The following SLC35F3 variants were observed in gnomAD, a reference collection of about 807,000 sequenced individuals.
SLC35F3 encodes solute carrier family 35 member F3.
Under a neutral mutation model 49.9 loss-of-function variants are expected in SLC35F3, and 25 were observed. The observed-to-expected ratio is 0.50, with a 90% confidence interval of 0.37 to 0.70. The LOEUF (loss-of-function observed/expected upper bound fraction) is 0.70, where lower values mean the gene tolerates loss of function less well. Ranked by LOEUF, SLC35F3 falls within the 30% of genes least tolerant of loss-of-function variation. SLC35F3 has a pLI of 0.00. For synonymous variants in SLC35F3, 275 were observed against 265.4 expected (o/e 1.04, Z -0.35); for missense variants, 525 against 639.8 (o/e 0.82, Z 1.94).
At chr1:234,098,929 A>G (rs1174506016) in intron 2 of SLC35F3, among the ~76,000 whole-genome samples, 3 of 151,174 alleles carry the variant, frequency 2.0e-5, no homozygotes, top group Non-Finnish European at 4.4e-5. Flanking sequence ...GGCAGTTCGG[A>G]TGGTGGTGGT....
chr1:234,052,949 TG>T (rs1211347852), intron 2 of SLC35F3, among the ~76,000 whole-genome samples: 6 of 152,222 alleles, frequency 3.9e-5, no homozygotes, highest in Admixed American at 3.9e-4. Context: ...TGAGCAGCTT[TG>T]AGTGAGTTTC....
chr1:233,968,945 G>A (rs557349699), intron 2 of SLC35F3, among the ~76,000 whole-genome samples: 10 of 152,010 alleles, frequency 6.6e-5, no homozygotes, highest in African/African-American at 2.4e-4. Flanking sequence ...GCATTAATTT[G>A]CATTAATTGG....
At chr1:234,043,198 T>A (rs1306955911) in intron 2 of SLC35F3, among the ~76,000 whole-genome samples, 1 of 152,172 alleles carries the variant, frequency 6.6e-6, no homozygotes, top group Non-Finnish European at 1.5e-5. Context: ...ACCTTACACT[T>A]GATGTTCATC....
intron 3 of SLC35F3, among the ~76,000 whole-genome samples, chr1:234,267,478 C>T: frequency 6.7e-6 from 1 of 149,648 alleles, no homozygotes; most frequent in African/African-American, 2.5e-5. Context: ...CCCCTCACCT[C>T]CCGGATGGGG....
intron 2 of SLC35F3, among the ~76,000 whole-genome samples, chr1:234,191,807 A>G (rs1666734229): frequency 6.6e-6 from 1 of 152,070 alleles, no homozygotes; most frequent in Non-Finnish European, 1.5e-5. Context: ...AAGATCATTC[A>G]AGACTACTAC....
chr1:234,058,201 C>T (rs139584880), intron 2 of SLC35F3, among the ~76,000 whole-genome samples: 4 of 150,318 alleles, frequency 2.7e-5, no homozygotes, highest in East Asian at 2.0e-4. Flanking sequence ...GTTTTTTTTT[C>T]GAGGATTTTT....
At chr1:234,113,224 A>G (rs979352577) in intron 2 of SLC35F3, among the ~76,000 whole-genome samples, 1 of 152,246 alleles carries the variant, frequency 6.6e-6, no homozygotes, top group African/African-American at 2.4e-5. Context: ...TGCCATAATC[A>G]TCAAAGTAAG....
At chr1:233,961,796 C>A (rs143748738) in intron 2 of SLC35F3, among the ~76,000 whole-genome samples, 1 of 152,260 alleles carries the variant, frequency 6.6e-6, no homozygotes, top group Non-Finnish European at 1.5e-5. Flanking sequence ...TCTGTCAGGT[C>A]GTAGCTCTCT....
At chr1:234,117,912 ATGTGTGTGTGTGTGTGTGTGTGTGTG>A (rs370186911) in intron 2 of SLC35F3, among the ~76,000 whole-genome samples, 14 of 113,936 alleles carry the variant, frequency 1.2e-4, no homozygotes, top group African/African-American at 1.8e-4. Flanking sequence ...AAGACTATAT[ATGTGTGTGTGTGTGTGTGTGTGTGTG>A]TGTGTGTGTG....
At position 233,907,606 on chromosome 1, in the gene SLC35F3, G is replaced by A. The variant is rs371904682; in HGVS notation, c.283+1848G>A. 8.5e-5 allele frequency among the ~76,000 whole-genome samples: 13 copies of A among 152,274 alleles called. No homozygotes were observed. The East Asian group carries it at 2.1e-3, about 25-fold the overall frequency. On this transcript the variant is annotated intron_variant, in intron 2 of 7. Coordinates refer to ENST00000366618, the MANE Select transcript of SLC35F3 (RefSeq NM_173508.4). ...CAAGGTATTTCCTTGTTACTATAAC[G>A]CTTTAGGTGACAACTGACATTTTGG...
chr1:234,164,064 G>T (rs1196943745), intron 2 of SLC35F3, among the ~76,000 whole-genome samples: 1 of 151,810 alleles, frequency 6.6e-6, no homozygotes, highest in South Asian at 2.1e-4. Flanking sequence ...AAGAAATATG[G>T]ATTGTAGAAA....
intron 3 of SLC35F3, among the ~76,000 whole-genome samples, chr1:234,278,527 T>C (rs1239300042): frequency 6.6e-6 from 1 of 151,048 alleles, no homozygotes; most frequent in Non-Finnish European, 1.5e-5. Flanking sequence ...GAGAAAAAAC[T>C]AAAGCTGAGT....
Position 234,316,677 on chromosome 1 carries a change from A to T in SLC35F3, c.904A>T (p.Ile302Phe), listed in dbSNP as rs774494183. The T allele has an allele frequency of 5.6e-6, 9 of 1,613,378 alleles. No homozygotes were observed. The Admixed American group carries it at 8.3e-5, about 15-fold the overall frequency. ...TGATGGCTTCCACAGCCACTCCGTC[A>T]TCGGCATCGCACTGGTGGTGGCCTC... is the stretch of plus-strand genomic sequence containing the variant. The part of the protein sequence containing the change: ...YADGFHSHSV[I>F]GIALVVASAS... Residue 302 changes from isoleucine to phenylalanine, a missense_variant, in exon 5 of 8, where the codon ATC becomes TTC. This residue lies in a region of SLC35F3 where 216 missense variants were observed against 298.1 expected (regional missense o/e 0.72). Coordinates refer to ENST00000366618, the MANE Select transcript of SLC35F3 (RefSeq NM_173508.4).
chr1:234,187,394 TG>T (rs1666658344), intron 2 of SLC35F3, among the ~76,000 whole-genome samples: 1 of 151,954 alleles, frequency 6.6e-6, no homozygotes, highest in Non-Finnish European at 1.5e-5. Flanking sequence ...GGGGGGAAAA[TG>T]GCGGACAGGA....
rs1048664487 is a variant in SLC35F3 at position 234,215,704 on chromosome 1, C to T, written c.284-15713C>T. On this transcript the variant is annotated intron_variant, in intron 2 of 7. Coordinates refer to ENST00000366618, the MANE Select transcript of SLC35F3 (RefSeq NM_173508.4). Reference sequence around the variant, plus strand: ...TGTTTATTACAATGAATCTCAGAACCAGCGAGGACAAGACAGAGGCTGGCT... The same window carrying T: ...TGTTTATTACAATGAATCTCAGAACTAGCGAGGACAAGACAGAGGCTGGCT... Among the ~76,000 whole-genome samples, 46 of 152,334 alleles carry T rather than the reference C, an allele frequency of 3.0e-4. 1 individual carries two copies. Among genetic ancestry groups the T allele is most frequent in the African/African-American group, 1.1e-3 (44 of 41,586 alleles).
intron 3 of SLC35F3, among the ~76,000 whole-genome samples, chr1:234,289,743 A>G (rs1668478365): frequency 6.6e-6 from 1 of 152,248 alleles, no homozygotes; most frequent in Non-Finnish European, 1.5e-5. Flanking sequence ...AGAAGTAAAC[A>G]TGAAACTGTC....
At chr1:233,940,002 A>G (rs149821196) in intron 2 of SLC35F3, among the ~76,000 whole-genome samples, 1 of 152,190 alleles carries the variant, frequency 6.6e-6, no homozygotes, top group Non-Finnish European at 1.5e-5. Flanking sequence ...ACTCCTGCTC[A>G]GTTTTCTAAA....
intron 2 of SLC35F3, among the ~76,000 whole-genome samples, chr1:233,966,287 T>A (rs1199686673): frequency 6.6e-6 from 1 of 152,188 alleles, no homozygotes; most frequent in Non-Finnish European, 1.5e-5. Context: ...TGGGCTAATA[T>A]GAATGGGGTT....
chr1:233,936,951 C>A (rs1185007278), intron 2 of SLC35F3, among the ~76,000 whole-genome samples: 1 of 152,174 alleles, frequency 6.6e-6, no homozygotes, highest in East Asian at 1.9e-4. Context: ...CTTGGCCTCC[C>A]AAAGTGTTGA....
Sources: allele counts gnomAD v4.1 joint callset (sites outside exome capture counted in the v4.1 genomes callset), GRCh38; gene constraint gnomAD v4.1.1; regional missense constraint gnomAD v4.1.1; transcripts MANE v1.5; gene names NCBI Gene and HGNC (gene_info 2026-07-23, HGNC 2026-07-21).